Variants in SLC28A3 observed in about 807,000 individuals in gnomAD.
SLC28A3 encodes solute carrier family 28 member 3, also known as concentrative Na(+)-nucleoside cotransporter 3.
A neutral mutation model predicts 84.2 loss-of-function variants in SLC28A3; 68 were observed. That is an observed-to-expected ratio of 0.81 (90% CI 0.66 to 0.99). The LOEUF is 0.99. Ranked by LOEUF, SLC28A3 falls within the 50% of genes least tolerant of loss-of-function variation. SLC28A3 has a pLI of 0.00. For missense variants in SLC28A3, 712 were observed against 841.5 expected (o/e 0.85, Z 1.90); for synonymous variants, 267 against 303.6 (o/e 0.88, Z 1.25).
At chr9:84,324,288 A>G (rs1175620076) in intron 1 of SLC28A3, among the ~76,000 whole-genome samples, 1 of 152,170 alleles carries the variant, frequency 6.6e-6, no homozygotes, top group Non-Finnish European at 1.5e-5. Context: ...CTCCTTGCAA[A>G]TGTTTCCGAA....
intron 1 of SLC28A3, among the ~76,000 whole-genome samples, chr9:84,330,075 G>T (rs1826719310): frequency 6.6e-6 from 1 of 151,458 alleles, no homozygotes; most frequent in Non-Finnish European, 1.5e-5. Context: ...AAATAATGAA[G>T]ATTATCGTGG....
chr9:84,300,380 T>C (rs1393227129), intron 5 of SLC28A3, among the ~76,000 whole-genome samples: 1 of 152,196 alleles, frequency 6.6e-6, no homozygotes, highest in East Asian at 1.9e-4. Context: ...ATGGGTGAGG[T>C]GTTACCTGCT....
chr9:84,285,104 AT>A (rs777584349), intron 14 of SLC28A3, among the ~76,000 whole-genome samples: 1 of 152,170 alleles, frequency 6.6e-6, no homozygotes. Flanking sequence ...TCAAAAGTAG[AT>A]GATTATAGTG....
At chr9:84,291,390 G>A (rs1227051567) in intron 10 of SLC28A3, among the ~76,000 whole-genome samples, 1 of 152,190 alleles carries the variant, frequency 6.6e-6, no homozygotes, top group Non-Finnish European at 1.5e-5. Flanking sequence ...AGGCTGGAGT[G>A]CAATGGCATG....
chr9:84,366,525 T>C, the SLC28A3 span, among the ~76,000 whole-genome samples: 1 of 152,182 alleles, frequency 6.6e-6, no homozygotes, highest in Non-Finnish European at 1.5e-5. Context: ...TTAGTACCTG[T>C]CCTTCTTGGG....
the SLC28A3 span, among the ~76,000 whole-genome samples, chr9:84,354,399 C>T: frequency 1.3e-5 from 2 of 152,230 alleles, no homozygotes; most frequent in Non-Finnish European, 2.9e-5. Flanking sequence ...ACAGGTTACA[C>T]CTAGGACTTC....
chr9:84,342,662 C>T (rs1299806258), upstream of SLC28A3, among the ~76,000 whole-genome samples: 2 of 151,786 alleles, frequency 1.3e-5, no homozygotes, highest in East Asian at 3.9e-4. Flanking sequence ...AAGCAATCTT[C>T]CCACCTGCCT....
At chr9:84,336,832 G>C (rs929343804) in intron 1 of SLC28A3, among the ~76,000 whole-genome samples, 10 of 152,128 alleles carry the variant, frequency 6.6e-5, no homozygotes, top group Non-Finnish European at 1.2e-4. Context: ...TTCTCCTTTA[G>C]GGTTCTGAGT....
At chr9:84,334,750 T>A (rs2118603701) in intron 1 of SLC28A3, among the ~76,000 whole-genome samples, 1 of 150,390 alleles carries the variant, frequency 6.6e-6, no homozygotes, top group South Asian at 2.2e-4. Context: ...TCTGCTACCA[T>A]TTTTCCTAGC....
intron 15 of SLC28A3, 102 bp from the exon 16 acceptor site, chr9:84,280,175 T>TG: frequency 2.7e-6 from 1 of 375,036 alleles, no homozygotes. Flanking sequence ...GTCAGCTGAC[T>TG]TTTTTTTTTT....
At chr9:84,346,686 AG>A in the SLC28A3 span, among the ~76,000 whole-genome samples, 10 of 152,348 alleles carry the variant, frequency 6.6e-5, no homozygotes, top group African/African-American at 2.2e-4. Flanking sequence ...TATTTGACAT[AG>A]GAAATGCTTC....
chr9:84,285,616 T>G lies in SLC28A3; in HGVS notation c.1450-74A>C, dbSNP rs1377395880. 5.5e-6 allele frequency: 8 copies of G among 1,466,314 alleles called. No individual in the cohort carries two copies. The East Asian group carries it at 1.6e-4, about 29-fold the overall frequency. The allele number at this position is 1,466,314 out of a possible 1,614,324, so 90.8% of individuals were successfully genotyped here. A position where few individuals can be genotyped will look rare whatever the true frequency, so the allele number is the denominator to read the frequency against. ...AGTTTTGCCTCCTCAGTGACAACAC[T>G]GTTCCTGACCCCTCTGTCTCCTTTA... On this transcript the variant is annotated intron_variant, in intron 13 of 17. Coordinates refer to ENST00000376238, the MANE Select transcript of SLC28A3 (RefSeq NM_001199633.2).
intron 2 of SLC28A3, among the ~76,000 whole-genome samples, chr9:84,312,796 C>A (rs1334229786): frequency 6.6e-6 from 1 of 152,118 alleles, no homozygotes; most frequent in Non-Finnish European, 1.5e-5. Context: ...ACCTCAGCCT[C>A]CCAAAGTGCT....
chr9:84,293,460 T>TTCCCTCTC (rs1825310369), intron 9 of SLC28A3, among the ~76,000 whole-genome samples: 1 of 152,178 alleles, frequency 6.6e-6, no homozygotes, highest in South Asian at 2.1e-4. Flanking sequence ...TGTATTCTGG[T>TTCCCTCTC]TCCCTCTCTC....
intron 5 of SLC28A3, among the ~76,000 whole-genome samples, chr9:84,300,831 T>G (rs528807913): frequency 6.6e-6 from 1 of 152,232 alleles, no homozygotes; most frequent in South Asian, 2.1e-4. Context: ...GTAGCCAGGC[T>G]GATCCTGGCT....
intron 11 of SLC28A3, among the ~76,000 whole-genome samples, chr9:84,288,727 G>A (rs1366789520): frequency 6.6e-6 from 1 of 152,064 alleles, no homozygotes; most frequent in Non-Finnish European, 1.5e-5. Flanking sequence ...GTATCTTTTA[G>A]TAGAGATGGG....
rs1321506007 is a variant in SLC28A3 at position 84,299,614 on chromosome 9, G to A, written c.636C>T (p.Val212=). 5.6e-6 allele frequency: 9 copies of A among 1,613,774 alleles called. No homozygotes were observed. The highest frequency in any genetic ancestry group is 7.6e-6 in the Non-Finnish European group (9 of 1,179,980). ...VSFGGLIMYI[V]LLFLFSKYPT... ...GGTACTTGGAAAATAGAAATAACAG[G>A]ACAATGTACATTATGAGCCCACCGA... The change falls in exon 6 of 18, where the codon GTC becomes GTT. Residue 212 remains valine, a synonymous_variant. Transcript: ENST00000376238.
chr9:84,312,983 T>C (rs1401611268), intron 2 of SLC28A3, among the ~76,000 whole-genome samples: 3 of 152,204 alleles, frequency 2.0e-5, no homozygotes, highest in African/African-American at 4.8e-5. Context: ...ATAAAGCTAC[T>C]AAGGAATGCG....
chr9:84,314,179 C>A (rs1425223163), intron 1 of SLC28A3, among the ~76,000 whole-genome samples: 1 of 152,068 alleles, frequency 6.6e-6, no homozygotes, highest in East Asian at 1.9e-4. Flanking sequence ...TTAAAGCAAT[C>A]TCTGGCAGTA....
Sources: gnomAD v4.1 joint callset for allele counts (sites outside exome capture counted in the v4.1 genomes callset) on GRCh38, gnomAD v4.1.1 for gene constraint, MANE v1.5 for transcripts, NCBI Gene and HGNC (gene_info 2026-07-23, HGNC 2026-07-21) for gene names.